DIAPH2: variants seen among roughly 807,000 people sequenced by gnomAD.
DIAPH2 encodes the protein protein diaphanous homolog 2.
Under a neutral mutation model 92.7 loss-of-function variants are expected in DIAPH2, and 35 were observed. That is an observed-to-expected ratio of 0.38 (90% CI 0.29 to 0.50). The LOEUF (loss-of-function observed/expected upper bound fraction) is 0.50, where lower values mean the gene tolerates loss of function less well. Among genes scored for constraint, DIAPH2 ranks in the 20% least tolerant of loss-of-function variants. The probability of loss-of-function intolerance (pLI) is 0.94; values close to 1 mark genes in which losing one functional copy is unlikely to be tolerated. For synonymous variants in DIAPH2, 301 were observed against 280.4 expected (o/e 1.07, Z -0.73); for missense variants, 701 against 819.5 (o/e 0.86, Z 1.77).
intron 25 of DIAPH2, among the ~76,000 whole-genome samples, chrX:97,398,627 C>CT (rs1333070379): frequency 9.0e-6 from 1 of 110,549 alleles, no homozygotes; most frequent in Non-Finnish European, 1.9e-5. Context: ...AGGTAAACAT[C>CT]TTTATAAGGA....
intron 24 of DIAPH2, among the ~76,000 whole-genome samples, chrX:97,383,230 G>T (rs2069567471): frequency 1.8e-5 from 2 of 111,524 alleles, no homozygotes; most frequent in Admixed American, 1.9e-4. Context: ...CATATTTGAA[G>T]GTATTTCTTT....
rs1384281945 is a variant in DIAPH2 at position 97,599,857 on chromosome X, C to T, written c.*540C>T. 8.9e-5 allele frequency: 10 copies of T among 112,089 alleles called. No individual in the cohort carries two copies. Among genetic ancestry groups the T allele is most frequent in the Admixed American group, 6.6e-4 (7 of 10,540 alleles). The allele number at this position is 112,089 out of a possible 1,213,427, so 9.2% of individuals were successfully genotyped here. ...GAAATTCACGAAAGTACTGCTCCAC[C>T]CCAGTTGAGTTATTTAGAATTTTAT... On this transcript the variant is annotated 3_prime_UTR_variant, in exon 27 of 27. Coordinates refer to ENST00000324765, the MANE Select transcript of DIAPH2 (RefSeq NM_006729.5).
chrX:97,429,802 A>G (rs1432902447), intron 26 of DIAPH2, 57 bp downstream of exon 26: 17 of 1,013,577 alleles, frequency 1.7e-5, no homozygotes, highest in East Asian at 3.2e-5. Context: ...AGAGCAAAGT[A>G]GCAACACCAA....
chrX:97,030,493 G>C (rs776041716), intron 17 of DIAPH2, among the ~76,000 whole-genome samples: 5 of 111,269 alleles, frequency 4.5e-5, no homozygotes, highest in Admixed American at 1.9e-4. Context: ...ATTTTTGATG[G>C]TTTTGTTATA....
intron 26 of DIAPH2, among the ~76,000 whole-genome samples, chrX:97,509,012 G>GTTTAT: frequency 1.1e-5 from 1 of 90,425 alleles, no homozygotes. Flanking sequence ...AGCATACAAA[G>GTTTAT]TTATTTATTT....
intron 23 of DIAPH2, among the ~76,000 whole-genome samples, chrX:97,314,789 C>T (rs1161788021): frequency 8.9e-6 from 1 of 111,890 alleles, no homozygotes; most frequent in African/African-American, 3.2e-5. Flanking sequence ...AATTTAGAAA[C>T]AATAAAAGCT....
chrX:97,172,719 CT>C (rs1569319665), intron 22 of DIAPH2, among the ~76,000 whole-genome samples: 1 of 111,787 alleles, frequency 8.9e-6, no homozygotes, highest in Non-Finnish European at 1.9e-5. Flanking sequence ...TGATGGGACT[CT>C]TTTTATTGCA....
At chrX:97,163,103 T>C (rs1309878726) in intron 22 of DIAPH2, among the ~76,000 whole-genome samples, 6 of 111,512 alleles carry the variant, frequency 5.4e-5, no homozygotes, top group African/African-American at 2.0e-4. Context: ...TGGGATGGTT[T>C]CAATTTTTCT....
intron 4 of DIAPH2, among the ~76,000 whole-genome samples, chrX:96,849,653 A>G (rs745335827): frequency 1.2e-4 from 14 of 112,245 alleles, no homozygotes; most frequent in Non-Finnish European, 2.4e-4. Context: ...TTGGAAATGT[A>G]TAAAATGACT....
chrX:97,566,879 A>G (rs150218225), intron 26 of DIAPH2, among the ~76,000 whole-genome samples: 1,392 of 111,955 alleles, frequency 0.012, 29 homozygotes, highest in African/African-American at 0.043. Flanking sequence ...ATTAGATCAC[A>G]AAAGAGTATA....
At chrX:97,492,683 AT>A (rs754307589) in intron 26 of DIAPH2, among the ~76,000 whole-genome samples, 4 of 109,328 alleles carry the variant, frequency 3.7e-5, no homozygotes, top group African/African-American at 1.3e-4. Context: ...CTTGATTGGC[AT>A]TTTTTTTTCT....
intron 9 of DIAPH2, 105 bp downstream of exon 9, chrX:96,918,722 A>G (rs2065521763): frequency 5.7e-6 from 3 of 526,959 alleles, no homozygotes; most frequent in Admixed American, 5.0e-5. Context: ...ATGGAATGTA[A>G]AACTAAAATT....
chrX:97,378,448 G>A (rs959555735), intron 24 of DIAPH2, among the ~76,000 whole-genome samples: 3 of 110,180 alleles, frequency 2.7e-5, no homozygotes, highest in Non-Finnish European at 3.8e-5. Context: ...TTGGGAGGCC[G>A]AGGCAGGAGG....
chrX:97,427,607 C>T (rs970600666), intron 25 of DIAPH2, among the ~76,000 whole-genome samples: 1 of 111,630 alleles, frequency 9.0e-6, no homozygotes, highest in African/African-American at 3.3e-5. Context: ...TTGAAAAGAG[C>T]AGGTGATACT....
intron 24 of DIAPH2, among the ~76,000 whole-genome samples, chrX:97,377,815 AATCTT>A (rs1462813625): frequency 8.9e-6 from 1 of 111,758 alleles, no homozygotes; most frequent in Non-Finnish European, 1.9e-5. Flanking sequence ...ATTTAAAAAA[AATCTT>A]ATCAAGATGC....
chrX:96,878,144 ATT>A (rs1420023941), intron 4 of DIAPH2, among the ~76,000 whole-genome samples: 2 of 111,654 alleles, frequency 1.8e-5, no homozygotes, highest in East Asian at 5.6e-4. Flanking sequence ...GTATTGCACT[ATT>A]TTGTTTTTAG....
intron 4 of DIAPH2, among the ~76,000 whole-genome samples, chrX:96,853,750 T>A (rs1194128554): frequency 3.6e-5 from 4 of 111,840 alleles, no homozygotes; most frequent in Non-Finnish European, 7.5e-5. Context: ...CTATTTACTA[T>A]TTCTCTTATT....
intron 24 of DIAPH2, among the ~76,000 whole-genome samples, chrX:97,379,227 T>G (rs1036138332): frequency 1.8e-4 from 20 of 111,456 alleles, no homozygotes; most frequent in Admixed American, 1.7e-3. Flanking sequence ...TGAGGGTAGA[T>G]AGTATCAGGT....
intron 22 of DIAPH2, among the ~76,000 whole-genome samples, chrX:97,212,406 C>T (rs964822648): frequency 1.8e-5 from 2 of 110,594 alleles, no homozygotes; most frequent in East Asian, 2.8e-4. Context: ...TAGAACCTTT[C>T]GGTTTGTGTT....
Sources: allele counts gnomAD v4.1 joint callset (sites outside exome capture counted in the v4.1 genomes callset), GRCh38; gene constraint gnomAD v4.1.1; transcripts MANE v1.5; gene names NCBI Gene and HGNC (gene_info 2026-07-23, HGNC 2026-07-21).